OR9Q1: variants seen among roughly 807,000 people sequenced by gnomAD.
OR9Q1 encodes the protein olfactory receptor family 9 subfamily Q member 1.
For missense variants in OR9Q1, 374 were observed against 378.8 expected (o/e 0.99, Z 0.11); for synonymous variants, 153 against 148.6 (o/e 1.03, Z -0.22).
rs1854086379 is a variant in OR9Q1, at chr11:58,125,917, T to A, written c.-14-53514T>A. On this transcript the variant is annotated intron_variant, in intron 2 of 2. Coordinates refer to ENST00000335397, the MANE Select transcript of OR9Q1 (RefSeq NM_001005212.4). The stretch of plus-strand genomic sequence containing the variant: ...TCAGTGGTAATATCAGGACTGGAAC[T>A]CAGATCTTAGGACTCCTGGTAAAGT... 2.0e-5 allele frequency among the ~76,000 whole-genome samples: 3 copies of A among 152,208 alleles called. No individual in the cohort carries two copies. In the South Asian group the frequency reaches 6.2e-4, roughly 32 times the overall value.
At chr11:58,059,007 A>T (rs1385989903) in intron 2 of OR9Q1, among the ~76,000 whole-genome samples, 1 of 152,194 alleles carries the variant, frequency 6.6e-6, no homozygotes, top group African/African-American at 2.4e-5. Context: ...CTTGCTCAGG[A>T]TCCACAAATG....
intron 2 of OR9Q1, among the ~76,000 whole-genome samples, chr11:58,127,892 G>A (rs1390021642): frequency 2.0e-5 from 3 of 152,154 alleles, no homozygotes; most frequent in Non-Finnish European, 4.4e-5. Flanking sequence ...GAGGATATTT[G>A]AATTTCTGAA....
intron 2 of OR9Q1, among the ~76,000 whole-genome samples, chr11:58,177,970 G>A (rs932466605): frequency 2.0e-5 from 3 of 152,200 alleles, no homozygotes; most frequent in Non-Finnish European, 4.4e-5. Flanking sequence ...TGCAAAAGAG[G>A]TGTTCTAGGC....
At chr11:58,137,621 A>T (rs746213839) in intron 2 of OR9Q1, among the ~76,000 whole-genome samples, 16 of 152,212 alleles carry the variant, frequency 1.1e-4, no homozygotes, top group Non-Finnish European at 1.6e-4. Context: ...ATTATTAATA[A>T]CTTTCATCAT....
intron 2 of OR9Q1, among the ~76,000 whole-genome samples, chr11:58,140,351 A>G (rs552631292): frequency 1.3e-3 from 205 of 152,286 alleles, no homozygotes; most frequent in African/African-American, 4.5e-3. Context: ...TCAGACATGA[A>G]GTCCTTGCCC....
intron 2 of OR9Q1, among the ~76,000 whole-genome samples, chr11:58,136,687 G>A (rs578119318): frequency 7.2e-5 from 11 of 152,290 alleles, no homozygotes; most frequent in African/African-American, 2.6e-4. Flanking sequence ...CTCTGAAGAT[G>A]AGCGACCATT....
At chr11:58,035,593 A>G (rs1853093622) in intron 1 of OR9Q1, among the ~76,000 whole-genome samples, 1 of 152,234 alleles carries the variant, frequency 6.6e-6, no homozygotes, top group South Asian at 2.1e-4. Flanking sequence ...ATGGAAGAGG[A>G]AAATGTTGAG....
chr11:58,158,421 CTT>C (rs10600970), intron 2 of OR9Q1, among the ~76,000 whole-genome samples: 61,194 of 133,874 alleles, frequency 0.46, 13,754 homozygotes, highest in South Asian at 0.61. Context: ...CCTAGGTCTG[CTT>C]TTTTTTTTTT....
At chr11:58,094,575 T>C (rs1413360759) in intron 2 of OR9Q1, among the ~76,000 whole-genome samples, 1 of 152,184 alleles carries the variant, frequency 6.6e-6, no homozygotes, top group East Asian at 1.9e-4. Context: ...TTACTTTGAA[T>C]TGAATGCAAA....
At chr11:58,170,697 T>C (rs1038333369) in intron 2 of OR9Q1, among the ~76,000 whole-genome samples, 3 of 152,196 alleles carry the variant, frequency 2.0e-5, no homozygotes, top group Non-Finnish European at 4.4e-5. Context: ...CTGATGGTTT[T>C]ATAAGGGGAA....
chr11:58,154,154 A>T (rs952153935), intron 2 of OR9Q1, among the ~76,000 whole-genome samples: 1 of 146,174 alleles, frequency 6.8e-6, no homozygotes, highest in Non-Finnish European at 1.5e-5. Context: ...AAGGAGGAAG[A>T]GGAGAAGGAG....
At chr11:58,070,151 G>A (rs926604229) in intron 2 of OR9Q1, among the ~76,000 whole-genome samples, 3 of 150,078 alleles carry the variant, frequency 2.0e-5, no homozygotes, top group South Asian at 2.1e-4. Flanking sequence ...ACAGGTGTAC[G>A]CCACCATGCC....
At chr11:58,027,703 C>T (rs1852989124) in intron 1 of OR9Q1, among the ~76,000 whole-genome samples, 1 of 152,108 alleles carries the variant, frequency 6.6e-6, no homozygotes, top group African/African-American at 2.4e-5. Flanking sequence ...AAAATCTCAG[C>T]CCACAGGTGA....
At chr11:58,146,566 A>G (rs563726219) in intron 2 of OR9Q1, among the ~76,000 whole-genome samples, 1 of 152,316 alleles carries the variant, frequency 6.6e-6, no homozygotes, top group East Asian at 1.9e-4. Flanking sequence ...GATATAGATA[A>G]TCAACCATTG....
chr11:58,048,679 A>AAAAATATATATATATATAT (rs745596668), intron 1 of OR9Q1, among the ~76,000 whole-genome samples: 121 of 131,372 alleles, frequency 9.2e-4, no homozygotes, highest in African/African-American at 3.2e-3. Flanking sequence ...TAAAAAAAAA[A>AAAAATATATATATATATAT]ATATATATAT....
intron 2 of OR9Q1, among the ~76,000 whole-genome samples, chr11:58,100,945 A>C (rs971163763): frequency 1.3e-5 from 2 of 152,114 alleles, no homozygotes; most frequent in African/African-American, 4.8e-5. Flanking sequence ...TTTCTCATTC[A>C]TATGTGGGAG....
intron 2 of OR9Q1, among the ~76,000 whole-genome samples, chr11:58,092,413 G>GC (rs1478371426): frequency 1.7e-4 from 25 of 151,172 alleles, no homozygotes; most frequent in African/African-American, 5.6e-4. Context: ...CAGTTAGAAT[G>GC]TTTTTCATTA....
intron 2 of OR9Q1, among the ~76,000 whole-genome samples, chr11:58,101,604 A>G (rs546488973): frequency 1.3e-5 from 2 of 152,112 alleles, no homozygotes; most frequent in South Asian, 4.1e-4. Flanking sequence ...TCTGATGATT[A>G]TTTCTTTTGC....
At position 58,042,525 on chromosome 11, in the gene OR9Q1, A is replaced by C. The variant is rs1339861852; in HGVS notation, c.-92-13345A>C. On this transcript the variant is annotated intron_variant, in intron 1 of 2. Transcript: ENST00000335397. ...TCTATATCACTGTTTTGGTACCAGT[A>C]CCATGCTGTTTTGGTGACTGTAGCC... Among the ~76,000 whole-genome samples, 3 of 151,524 alleles carry C rather than the reference A, an allele frequency of 2.0e-5. No homozygotes were observed. In the East Asian group the frequency reaches 5.8e-4, roughly 29 times the overall value.
Sources: allele counts gnomAD v4.1 joint callset (sites outside exome capture counted in the v4.1 genomes callset), GRCh38; gene constraint gnomAD v4.1.1; transcripts MANE v1.5; gene names NCBI Gene and HGNC (gene_info 2026-07-23, HGNC 2026-07-21).